The following FCHO1 variants were observed in gnomAD, a reference collection of about 807,000 sequenced individuals.
FCHO1 encodes the protein FCH and mu domain containing endocytic adaptor 1.
FCHO1 carries 45 observed loss-of-function variants against 114.4 expected under a neutral mutation model. That is an observed-to-expected ratio of 0.39 (90% CI 0.31 to 0.50). The LOEUF (loss-of-function observed/expected upper bound fraction) is 0.50, where lower values mean the gene tolerates loss of function less well. FCHO1 is among the 20% of genes least tolerant of loss of function. FCHO1 has a pLI of 0.77. For synonymous variants in FCHO1, 480 were observed against 488.9 expected (o/e 0.98, Z 0.24); for missense variants, 1,042 against 1,209.6 (o/e 0.86, Z 2.06).
Position 17,784,278 on chromosome 19 carries a change from G to A in FCHO1, c.2226+43G>A, listed in dbSNP as rs76619630. On this transcript the variant is annotated intron_variant, in intron 25 of 28. Coordinates refer to ENST00000596536, the MANE Select transcript of FCHO1 (RefSeq NM_015122.3). The surrounding 1 kb of genome is among the most constrained non-coding windows in gnomAD (Gnocchi z 5.3). ...GGCCGGGAGGAGGTGGTGGAGTGGG[G>A]GACACGGTGAGCCGGCAGCAGACAT... 1.6e-3 allele frequency: 2,423 copies of A among 1,557,210 alleles called. 31 individuals are homozygous for A. In the African/African-American group the frequency reaches 0.03, roughly 19 times the overall value.
intron 7 of FCHO1, among the ~76,000 whole-genome samples, 169 bp from the exon 8 acceptor site, chr19:17,770,256 G>A (rs377141978): frequency 1.3e-5 from 2 of 152,138 alleles, no homozygotes; most frequent in African/African-American, 2.4e-5. Flanking sequence ...AGTCGAGATC[G>A]TGCCACTGCA....
intron 7 of FCHO1, 139 bp downstream of exon 7, chr19:17,766,949 G>T: frequency 2.1e-6 from 2 of 966,572 alleles, no homozygotes; most frequent in Middle Eastern, 5.2e-4. Flanking sequence ...GTCAAGCCCA[G>T]GGTCTTACGG....
At chr19:17,755,702 A>G (rs1040726070) in intron 4 of FCHO1, 1 of 152,586 alleles carries the variant, frequency 6.6e-6, no homozygotes, top group Non-Finnish European at 1.5e-5. Context: ...TCTCCCTGCC[A>G]CTGTGACCTC....
At chr19:17,750,742 A>G (rs1430624177), upstream of FCHO1, among the ~76,000 whole-genome samples, 1 of 152,108 alleles carries the variant, frequency 6.6e-6, no homozygotes, top group Non-Finnish European at 1.5e-5. Context: ...TCCAGGCATC[A>G]GCCACCACCT....
chr19:17,761,369 G>A (rs985018570), intron 4 of FCHO1, among the ~76,000 whole-genome samples: 2 of 147,500 alleles, frequency 1.4e-5, no homozygotes, highest in Admixed American at 7.0e-5. Context: ...GGCTTTCAGG[G>A]TTGGTTTGAT....
intron 18 of FCHO1, among the ~76,000 whole-genome samples, chr19:17,777,584 C>T (rs1315910817): frequency 2.1e-5 from 3 of 146,294 alleles, no homozygotes; most frequent in African/African-American, 5.1e-5. Flanking sequence ...AGAGCATATT[C>T]GATACTTCTA....
chr19:17,773,226 C>T (rs544388669), intron 11 of FCHO1, among the ~76,000 whole-genome samples: 6 of 152,288 alleles, frequency 3.9e-5, no homozygotes, highest in Admixed American at 1.3e-4. Context: ...TTTTCTTCAT[C>T]GCTTGCTGTG....
intron 11 of FCHO1, 86 bp from the exon 12 acceptor site, chr19:17,774,153 C>T (rs958355700): frequency 3.6e-5 from 47 of 1,298,398 alleles, no homozygotes; most frequent in Non-Finnish European, 5.2e-5. Flanking sequence ...AGGTGATCCG[C>T]CCGCCTTAGC....
chr19:17,780,527 G>T (rs902663472), intron 20 of FCHO1, among the ~76,000 whole-genome samples: 1 of 152,114 alleles, frequency 6.6e-6, no homozygotes, highest in Non-Finnish European at 1.5e-5. Context: ...TCAGTGTCTG[G>T]AGACATTTTT....
chr19:17,786,361 A>AACAC (rs4007691), intron 26 of FCHO1, among the ~76,000 whole-genome samples: 5 of 149,104 alleles, frequency 3.4e-5, no homozygotes, highest in South Asian at 2.1e-4. Context: ...ACACAAAACA[A>AACAC]ACACACACAC....
chr19:17,763,259 CT>C (rs11349881), intron 5 of FCHO1, among the ~76,000 whole-genome samples: 61,137 of 96,056 alleles, frequency 0.64, 22,026 homozygotes, highest in Non-Finnish European at 0.81. Context: ...CCACATCTGG[CT>C]TTTTTTTTTT....
In FCHO1 at chr19:17,766,699, C is replaced by T. The variant is rs2089307493; in HGVS notation, c.225C>T (p.Arg75=). 9.3e-6 allele frequency: 15 copies of T among 1,614,042 alleles called. No individual in the cohort carries two copies. Among genetic ancestry groups the T allele is most frequent in the South Asian group, 7.7e-5 (7 of 91,086 alleles). ...GTFAPLWEVF[R]VSSDKLALCH... ...TCGCCCCGCTCTGGGAGGTCTTCCG[C>T]GTCTCCTCGGACAAGCTGGCGCTGT... Residue 75 remains arginine (R), a synonymous_variant, in exon 7 of 29, where the codon CGC becomes CGT. Coordinates refer to ENST00000596536, the MANE Select transcript of FCHO1 (RefSeq NM_015122.3).
Position 17,775,328 on chromosome 19 carries a change from G to T in FCHO1, c.946-128G>T, listed in dbSNP as rs769871590. The stretch of plus-strand genomic sequence containing the variant: ...GCCCACACACCCAGGGAAGACAGTC[G>T]TTGCCATCAGGGTTGGTTTTGAGGT... On this transcript the variant is annotated intron_variant, in intron 14 of 28. Transcript: ENST00000596536. The surrounding 1 kb of genome is among the most constrained non-coding windows in gnomAD (Gnocchi z 5.1). The T allele has an allele frequency of 2.0e-6, 2 of 979,882 alleles. No individual in the cohort carries two copies. Among genetic ancestry groups the T allele is most frequent in the Non-Finnish European group, 3.3e-6 (2 of 614,802 alleles). The allele number at this position is 979,882 out of a possible 1,614,324, so 60.7% of individuals were successfully genotyped here. A position where few individuals can be genotyped will look rare whatever the true frequency, so the allele number is the denominator to read the frequency against.
chr19:17,781,141 T>G, intron 20 of FCHO1, 90 bp from the exon 21 acceptor site: 1 of 868,438 alleles, frequency 1.2e-6, no homozygotes. Flanking sequence ...AAAGCCCACC[T>G]CCTAAGATTT....
intron 4 of FCHO1, 89 bp from the exon 5 acceptor site, chr19:17,762,673 G>A (rs756074537): frequency 3.3e-6 from 3 of 919,554 alleles, no homozygotes; most frequent in Non-Finnish European, 5.5e-6. Flanking sequence ...CCAAGGGGAT[G>A]GACTTCTGCT....
intron 24 of FCHO1, among the ~76,000 whole-genome samples, 187 bp downstream of exon 24, chr19:17,783,359 G>A (rs1182070223): frequency 2.7e-5 from 4 of 148,918 alleles, no homozygotes; most frequent in African/African-American, 5.0e-5. Flanking sequence ...TCCGCCTCCC[G>A]GGTTCAAGCA....
intron 7 of FCHO1, among the ~76,000 whole-genome samples, chr19:17,768,414 A>C (rs1335964340): frequency 6.6e-6 from 1 of 151,432 alleles, no homozygotes; most frequent in Non-Finnish European, 1.5e-5. Context: ...CTTGCTAGCC[A>C]GGAGCGATGG....
At position 17,785,518 on chromosome 19, in the gene FCHO1, C is replaced by T. The variant is rs115226961; in HGVS notation, c.2426+594C>T. Reference sequence around the variant, plus strand: ...GATTATAGGCATGAACCACTGCACCCAGCCTTACAAAAAAATATTTTAAAA... The same window carrying T: ...GATTATAGGCATGAACCACTGCACCTAGCCTTACAAAAAAATATTTTAAAA... On this transcript the variant is annotated intron_variant, in intron 26 of 28. Transcript: ENST00000596536. Among the ~76,000 whole-genome samples, 1,020 of 152,156 alleles carry T rather than the reference C, an allele frequency of 6.7e-3. 10 individuals carry two copies. Among genetic ancestry groups the T allele is most frequent in the African/African-American group, 0.023 (947 of 41,490 alleles).
At chr19:17,773,957 C>A (rs2092210019) in intron 11 of FCHO1, among the ~76,000 whole-genome samples, 1 of 150,102 alleles carries the variant, frequency 6.7e-6, no homozygotes, top group African/African-American at 2.5e-5. Context: ...GTCACCCAGG[C>A]TGGAGTGCAG....
Sources: allele counts gnomAD v4.1 joint callset (sites outside exome capture counted in the v4.1 genomes callset), GRCh38; gene constraint gnomAD v4.1.1; non-coding constraint Gnocchi (gnomAD v3.1); transcripts MANE v1.5; gene names NCBI Gene and HGNC (gene_info 2026-07-23, HGNC 2026-07-21).